Variants in SMPD4 observed in about 807,000 individuals in gnomAD.
SMPD4 encodes neutral sphingomyelinase 3.
In SMPD4, 58 loss-of-function variants were observed where a neutral mutation model predicts 97.8. The observed-to-expected ratio is 0.59, with a 90% CI of 0.48 to 0.74. SMPD4 has a LOEUF of 0.74. Among genes scored for constraint, SMPD4 ranks in the 30% least tolerant of loss-of-function variants. SMPD4 has a pLI of 0.00. For synonymous variants in SMPD4, 388 were observed against 450.0 expected, an observed-to-expected ratio of 0.86 and a Z score of 1.74; for missense variants, 853 against 1,080.5, an observed-to-expected ratio of 0.79 and a Z score of 2.95.
chr2:130,175,541 A>G (rs962992550), intron 2 of SMPD4, among the ~76,000 whole-genome samples: 2 of 152,196 alleles, frequency 1.3e-5, no homozygotes, highest in African/African-American at 4.8e-5. Context: ...ATGATCTTAA[A>G]ACACAGGGCA....
At chr2:130,155,949 C>G in intron 14 of SMPD4, 86 bp downstream of exon 14, 3 of 1,395,484 alleles carry the variant, frequency 2.1e-6, no homozygotes, top group Non-Finnish European at 3.0e-6. Context: ...GACCCCAGCA[C>G]AGGCCGCTGG....
rs951908559 is a variant in SMPD4 at position 130,152,354 on chromosome 2, C to G, written c.*201G>C. ...ACAGAGCGTAGCTGTTGAGCCCTGG[C>G]AGCTACTCCTTTGCTGGGGCCCACC... On this transcript the variant is annotated 3_prime_UTR_variant, in exon 20 of 20. Transcript: ENST00000680298. 1 of 616,238 alleles carries G rather than the reference C, an allele frequency of 1.6e-6. No individual in the cohort carries two copies. Among genetic ancestry groups the G allele is most frequent in the African/African-American group, 1.8e-5 (1 of 54,156 alleles). The allele number at this position is 616,238 out of a possible 1,614,324, so 38.2% of individuals were successfully genotyped here.
intron 11 of SMPD4, among the ~76,000 whole-genome samples, chr2:130,159,841 C>T (rs758878467): frequency 1.3e-4 from 20 of 152,216 alleles, no homozygotes; most frequent in Non-Finnish European, 2.6e-4. Flanking sequence ...GAGGGGAAGA[C>T]CTCCACATGT....
chr2:130,156,530 C>A (rs1686817053), intron 13 of SMPD4, 55 bp downstream of exon 13: 6 of 1,552,962 alleles, frequency 3.9e-6, no homozygotes, highest in Non-Finnish European at 4.4e-6. Context: ...AAAGGACCTC[C>A]CACCTCAAGG....
chr2:130,178,841 T>C (rs1689217695), intron 1 of SMPD4, among the ~76,000 whole-genome samples: 2 of 151,146 alleles, frequency 1.3e-5, no homozygotes, highest in African/African-American at 4.9e-5. Context: ...TAAGATCAGC[T>C]TTCCAGAATC....
chr2:130,168,520 C>T (rs374087215), intron 8 of SMPD4, among the ~76,000 whole-genome samples: 3 of 123,752 alleles, frequency 2.4e-5, no homozygotes, highest in African/African-American at 7.1e-5. Flanking sequence ...GGTAAATTCT[C>T]GTTATCAATT....
intron 10 of SMPD4, 87 bp from the exon 11 acceptor site, chr2:130,161,359 A>T: frequency 9.8e-7 from 1 of 1,019,148 alleles, no homozygotes; most frequent in Non-Finnish European, 1.6e-6. Context: ...ATAGGACCAG[A>T]CACGGGAGGG....
chr2:130,165,354 A>C (rs1360734079), intron 9 of SMPD4, among the ~76,000 whole-genome samples: 1 of 151,582 alleles, frequency 6.6e-6, no homozygotes, highest in African/African-American at 2.4e-5. Context: ...TGAACCCAAC[A>C]GGCAGAGGTT....
chr2:130,173,827 A>T (rs1367133937), intron 3 of SMPD4, among the ~76,000 whole-genome samples, 171 bp from the exon 4 acceptor site: 2 of 152,152 alleles, frequency 1.3e-5, no homozygotes, highest in African/African-American at 2.4e-5. Flanking sequence ...GCCAACGACA[A>T]GAGCAGCTTT....
At chr2:130,181,418 CTGGCCGGCCCGA>C in intron 1 of SMPD4, 100 bp downstream of exon 1, 1 of 1,496,984 alleles carries the variant, frequency 6.7e-7, no homozygotes, top group South Asian at 1.3e-5. Flanking sequence ...GCAGAGCCGG[CTGGCCGGCCCGA>C]GTCCTGGGGC....
intron 1 of SMPD4, among the ~76,000 whole-genome samples, chr2:130,177,362 G>A (rs994499665): frequency 6.6e-6 from 1 of 152,104 alleles, no homozygotes; most frequent in East Asian, 2.0e-4. Flanking sequence ...GATTACAGGT[G>A]TGAGCCAACA....
intron 1 of SMPD4, among the ~76,000 whole-genome samples, chr2:130,178,799 G>GA (rs149238430): frequency 0.37 from 52,670 of 141,192 alleles, 9,626 homozygotes; most frequent in East Asian, 0.47. Context: ...TCAAAAAATG[G>GA]AAAAAAAAAA....
Position 130,154,131 on chromosome 2 carries a change from T to C in SMPD4, c.1659+146A>G, listed in dbSNP as rs141135048. ...ACTGCCTTCGTTATCAGGAAAAAAT[T>C]AGACTTTACTAAAACGGGGGAAGGA... is the stretch of plus-strand genomic sequence containing the variant. On this transcript the variant is annotated intron_variant, in intron 16 of 19. Coordinates refer to ENST00000680298, the MANE Select transcript of SMPD4 (RefSeq NM_017951.5). The C allele has an allele frequency of 1.4e-3, 1,681 of 1,173,626 alleles. 15 individuals carry two copies. The African/African-American group carries it at 0.022, about 16-fold the overall frequency. 72.7% of individuals were successfully genotyped at this position (1,173,626 alleles called of 1,614,324 possible). A position where few individuals can be genotyped will look rare whatever the true frequency, so the allele number is the denominator to read the frequency against.
intron 9 of SMPD4, among the ~76,000 whole-genome samples, chr2:130,167,102 T>C (rs1573704469): frequency 6.6e-6 from 1 of 151,818 alleles, no homozygotes; most frequent in Admixed American, 6.6e-5. Flanking sequence ...TAGTGGAAGG[T>C]GGCAACAGTT....
chr2:130,172,439 C>T lies in SMPD4; in HGVS notation c.569G>A (p.Arg190Lys). ...GGTGGGCAGGAACCATGACAGGTAC[C>T]TGTCCACCAGGATGAAATAGGCACA... is the stretch of plus-strand genomic sequence containing the variant. The part of the protein sequence containing the change: ...SDCAYFILVD[R>K]YLSWFLPTEG... Residue 190 changes from arginine (R) to lysine (K), a missense_variant, in exon 8 of 20, where the codon AGG becomes AAG. Physicochemically the swap from Arg to Lys is conservative, Grantham distance 26 (BLOSUM62 2). Coordinates refer to ENST00000680298, the MANE Select transcript of SMPD4 (RefSeq NM_017951.5). 6.2e-7 allele frequency: 1 copy of T among 1,612,532 alleles called. No individual in the cohort carries two copies.
At chr2:130,178,664 G>A (rs1014723335) in intron 1 of SMPD4, among the ~76,000 whole-genome samples, 8 of 151,866 alleles carry the variant, frequency 5.3e-5, no homozygotes, top group African/African-American at 1.7e-4. Context: ...GTGTGGTGGC[G>A]GGCACCTGTA....
At chr2:130,156,352 G>A (rs915880419) in intron 13 of SMPD4, 16 of 654,720 alleles carry the variant, frequency 2.4e-5, no homozygotes, top group African/African-American at 1.5e-4. Flanking sequence ...AGTACTCCCT[G>A]GTCAGGTAAG....
In SMPD4 at chr2:130,155,144, C is replaced by T. The variant is rs1165445878; in HGVS notation, c.1405G>A (p.Val469Met). 2 of 1,614,092 alleles carry T rather than the reference C, an allele frequency of 1.2e-6. No homozygotes were observed. Among genetic ancestry groups the T allele is most frequent in the African/African-American group, 2.7e-5 (2 of 74,958 alleles). The change falls in exon 15 of 20, where the codon GTG becomes ATG. Residue 469 changes from valine (V) to methionine (M), a missense_variant. Physicochemically the swap from Val to Met is conservative, Grantham distance 21. Coordinates refer to ENST00000680298, the MANE Select transcript of SMPD4 (RefSeq NM_017951.5). ...SPKHALMVFR[V>M]AKVFAQPNLA... Reference sequence around the variant, plus strand: ...TTGGGCTGGGCAAAGACTTTGGCCACTCGGAACACCATGAGCGCGTGCTTG... The same window carrying T: ...TTGGGCTGGGCAAAGACTTTGGCCATTCGGAACACCATGAGCGCGTGCTTG...
At chr2:130,160,985 C>T (rs1422081785) in intron 11 of SMPD4, among the ~76,000 whole-genome samples, 1 of 152,174 alleles carries the variant, frequency 6.6e-6, no homozygotes, top group Non-Finnish European at 1.5e-5. Flanking sequence ...AAAGCCACCA[C>T]CCCCACCCCC....
Sources: allele counts gnomAD v4.1 joint callset (sites outside exome capture counted in the v4.1 genomes callset), GRCh38; gene constraint gnomAD v4.1.1; transcripts MANE v1.5; gene names NCBI Gene and HGNC (gene_info 2026-07-23, HGNC 2026-07-21).